Variants in ARHGEF38 observed in about 807,000 individuals in gnomAD.
The protein encoded by ARHGEF38 is Rho guanine nucleotide exchange factor 38.
Under a neutral mutation model 79.9 loss-of-function variants are expected in ARHGEF38, and 79 were observed. That is an observed-to-expected ratio of 0.99 (90% CI 0.82 to 1.19). The LOEUF is 1.19. Ranked by LOEUF, ARHGEF38 falls within the 50% of genes most tolerant of loss-of-function variation. ARHGEF38 has a pLI of 0.00. For missense variants in ARHGEF38, 962 were observed against 907.2 expected (o/e 1.06, Z -0.78); for synonymous variants, 366 against 328.3 (o/e 1.11, Z -1.24).
At chr4:105,582,034 G>A (rs539538669) in intron 1 of ARHGEF38, among the ~76,000 whole-genome samples, 20 of 151,828 alleles carry the variant, frequency 1.3e-4, no homozygotes, top group African/African-American at 3.9e-4. Context: ...GTGTGGTGGC[G>A]GGCGCCTGTA....
At chr4:105,615,026 T>G (rs960745648) in intron 3 of ARHGEF38, among the ~76,000 whole-genome samples, 1 of 152,224 alleles carries the variant, frequency 6.6e-6, no homozygotes, top group Non-Finnish European at 1.5e-5. Flanking sequence ...GTATAGATTC[T>G]ATTTCAACAA....
At chr4:105,677,243 G>A (rs948525368) in intron 13 of ARHGEF38, among the ~76,000 whole-genome samples, 1 of 152,138 alleles carries the variant, frequency 6.6e-6, no homozygotes, top group African/African-American at 2.4e-5. Context: ...GATTACAGGC[G>A]TGAGCCACCG....
At chr4:105,644,596 T>C (rs543137037) in intron 5 of ARHGEF38, among the ~76,000 whole-genome samples, 1 of 152,354 alleles carries the variant, frequency 6.6e-6, no homozygotes, top group South Asian at 2.1e-4. Flanking sequence ...AATGTCACTG[T>C]GTGATAGCAA....
Position 105,678,420 on chromosome 4 carries a change from C to A in ARHGEF38, c.*483C>A, listed in dbSNP as rs1011353429. ...ACGTATGTGGATAATATGAATTATA[C>A]ACCTATATGTATAAATCAGAGTATA... is the stretch of plus-strand genomic sequence containing the variant. On this transcript the variant is annotated 3_prime_UTR_variant, in exon 14 of 14. Coordinates refer to ENST00000420470, the MANE Select transcript of ARHGEF38 (RefSeq NM_001242729.2). The A allele has an allele frequency of 6.6e-6, 1 of 152,470 alleles. No individual in the cohort carries two copies. 9.4% of individuals were successfully genotyped at this position (152,470 alleles called of 1,614,324 possible).
At chr4:105,568,046 T>C (rs1334237944) in intron 1 of ARHGEF38, among the ~76,000 whole-genome samples, 14 of 149,634 alleles carry the variant, frequency 9.4e-5, no homozygotes, top group African/African-American at 3.4e-4. Context: ...GGTTTTTTGT[T>C]CTTGCGATAG....
chr4:105,558,392 C>T (rs1031373694), intron 1 of ARHGEF38, among the ~76,000 whole-genome samples: 4 of 152,182 alleles, frequency 2.6e-5, no homozygotes, highest in Non-Finnish European at 4.4e-5. Context: ...CCTTTTTGTT[C>T]GTGTCTGTTC....
Position 105,667,109 on chromosome 4 carries a change from C to T in ARHGEF38, c.1690-20C>T, listed in dbSNP as rs1730778956. ...TATTATGTATCTGTCTAAACCAAAA[C>T]TTCTCCTTATTTCTCCCAGCCAGAA... is the stretch of plus-strand genomic sequence containing the variant. On this transcript the variant is annotated intron_variant, in intron 11 of 13. Coordinates refer to ENST00000420470, the MANE Select transcript of ARHGEF38 (RefSeq NM_001242729.2). 6.6e-7 allele frequency: 1 copy of T among 1,523,584 alleles called. No homozygotes were observed. Among genetic ancestry groups the T allele is most frequent in the Non-Finnish European group, 8.8e-7 (1 of 1,138,948 alleles). 94.4% of individuals were successfully genotyped at this position (1,523,584 alleles called of 1,614,324 possible).
chr4:105,630,737 G>GA (rs200632206), intron 3 of ARHGEF38, among the ~76,000 whole-genome samples, 161 bp from the exon 4 acceptor site: 122 of 151,236 alleles, frequency 8.1e-4, no homozygotes, highest in African/African-American at 2.1e-3. Context: ...GAAAGAAAAG[G>GA]AAAAAAAAAT....
rs1010608310 is a variant in ARHGEF38 at position 105,613,618 on chromosome 4, A to G, written c.508+111A>G. The G allele has an allele frequency of 4.1e-6, 5 of 1,222,560 alleles. No individual in the cohort carries two copies. In the African/African-American group the frequency reaches 7.5e-5, roughly 18 times the overall value. The allele number at this position is 1,222,560 out of a possible 1,614,324, so 75.7% of individuals were successfully genotyped here. ...ACTCACCATGCTTCCCAGGAGATAT[A>G]TAAATGCTAAACCCATCTTTGGGCT... On this transcript the variant is annotated intron_variant, in intron 3 of 13. Transcript: ENST00000420470.
At chr4:105,619,527 A>G (rs1184241254) in intron 3 of ARHGEF38, among the ~76,000 whole-genome samples, 1 of 152,112 alleles carries the variant, frequency 6.6e-6, no homozygotes, top group Non-Finnish European at 1.5e-5. Flanking sequence ...GGTAATTGCT[A>G]ACTAATACAG....
chr4:105,637,913 C>G (rs1161041437), intron 5 of ARHGEF38, among the ~76,000 whole-genome samples: 1 of 152,114 alleles, frequency 6.6e-6, no homozygotes, highest in Non-Finnish European at 1.5e-5. Context: ...TCTGCTCCCT[C>G]TAGACTATTC....
At chr4:105,630,774 A>G (rs1205269508) in intron 3 of ARHGEF38, 124 bp from the exon 4 acceptor site, 4 of 723,730 alleles carry the variant, frequency 5.5e-6, no homozygotes, top group Non-Finnish European at 8.3e-6. Flanking sequence ...CCCTCCCTGA[A>G]TAACCTGGGG....
At chr4:105,621,402 C>G (rs1001803093) in intron 3 of ARHGEF38, among the ~76,000 whole-genome samples, 5 of 152,170 alleles carry the variant, frequency 3.3e-5, no homozygotes, top group African/African-American at 1.2e-4. Flanking sequence ...ACTGGCTTAC[C>G]TCATGCATAG....
rs1488046661 is a variant in ARHGEF38 at position 105,605,804 on chromosome 4, C to CT, written c.385-7573dup. 1.4e-4 allele frequency among the ~76,000 whole-genome samples: 22 copies of CT among 152,140 alleles called. No individual in the cohort carries two copies. The East Asian group carries it at 3.9e-3, about 27-fold the overall frequency. Reference sequence around the variant, plus strand: ...GTTGCTGGGGCTTTCTGCCAACATCCTTTTTTTCCACTTGCTGCAATTTCT... The same window carrying CT: ...GTTGCTGGGGCTTTCTGCCAACATCCTTTTTTTTCCACTTGCTGCAATTTCT... On this transcript the variant is annotated intron_variant, in intron 2 of 13. Transcript: ENST00000420470.
intron 6 of ARHGEF38, among the ~76,000 whole-genome samples, chr4:105,645,941 T>G (rs951096807): frequency 6.6e-6 from 1 of 152,198 alleles, no homozygotes; most frequent in Admixed American, 6.5e-5. Context: ...AAATATAAAA[T>G]TAGTGTTTAA....
At chr4:105,652,913 T>C (rs1015129935) in intron 7 of ARHGEF38, among the ~76,000 whole-genome samples, 3 of 152,198 alleles carry the variant, frequency 2.0e-5, no homozygotes, top group African/African-American at 4.8e-5. Flanking sequence ...TTTTGATACA[T>C]TGAGTTCTAA....
At chr4:105,610,121 A>G (rs1020877253) in intron 2 of ARHGEF38, among the ~76,000 whole-genome samples, 1 of 152,068 alleles carries the variant, frequency 6.6e-6, no homozygotes, top group Non-Finnish European at 1.5e-5. Flanking sequence ...AAAACCAAAT[A>G]CGGCATGTTC....
Position 105,572,057 on chromosome 4 carries a change from G to T in ARHGEF38, c.197-17191G>T, listed in dbSNP as rs184388544. The stretch of plus-strand genomic sequence containing the variant: ...TTGGAACAAAGATATATTCAGTTAT[G>T]CTGTTTACTCTATTTATACTTCAAC... On this transcript the variant is annotated intron_variant, in intron 1 of 13. Transcript: ENST00000420470. Among the ~76,000 whole-genome samples the T allele has an allele frequency of 4.6e-5, 7 of 152,262 alleles. No homozygotes were observed. In the East Asian group the frequency reaches 1.3e-3, roughly 29 times the overall value.
intron 13 of ARHGEF38, among the ~76,000 whole-genome samples, chr4:105,674,699 T>G (rs1731060772): frequency 6.6e-6 from 1 of 152,070 alleles, no homozygotes. Flanking sequence ...AAATTTTGGG[T>G]CATGATTATC....
Sources: allele counts gnomAD v4.1 joint callset (sites outside exome capture counted in the v4.1 genomes callset), GRCh38; gene constraint gnomAD v4.1.1; transcripts MANE v1.5; gene names NCBI Gene and HGNC (gene_info 2026-07-23, HGNC 2026-07-21).